COL4A2: variants seen among roughly 807,000 people sequenced by gnomAD.
COL4A2 encodes collagen type IV alpha 2 chain.
COL4A2 carries 99 observed loss-of-function variants against 200.2 expected under a neutral mutation model. The ratio of observed to expected loss-of-function variants is 0.49; its 90% CI spans 0.42 to 0.58. COL4A2 has a LOEUF of 0.58. Among genes scored for constraint, COL4A2 ranks in the 20% least tolerant of loss-of-function variants. The pLI is 0.00. For missense variants in COL4A2, 1,950 were observed against 2,314.1 expected (o/e 0.84, Z 3.23); for synonymous variants, 897 against 900.6 (o/e 1.00, Z 0.07).
intron 4 of COL4A2, among the ~76,000 whole-genome samples, chr13:110,360,484 T>C (rs537566712): frequency 6.6e-5 from 10 of 152,336 alleles, no homozygotes; most frequent in African/African-American, 2.4e-4. Flanking sequence ...GTGAGGTTAT[T>C]AGGAGGGGAT....
chr13:110,352,514 T>C (rs1249217407), intron 3 of COL4A2, among the ~76,000 whole-genome samples: 1 of 152,380 alleles, frequency 6.6e-6, no homozygotes, highest in East Asian at 1.9e-4. Flanking sequence ...CCCAGCACAG[T>C]GCATGGCTCA....
At chr13:110,330,587 G>A (rs527895321) in intron 3 of COL4A2, among the ~76,000 whole-genome samples, 6 of 152,328 alleles carry the variant, frequency 3.9e-5, no homozygotes, top group Admixed American at 2.6e-4. Flanking sequence ...GTTCAAAGCA[G>A]AGTGCATATC....
chr13:110,444,974 C>T (rs540652348), intron 16 of COL4A2, among the ~76,000 whole-genome samples: 303 of 152,298 alleles, frequency 2.0e-3, no homozygotes, highest in Middle Eastern at 3.4e-3. Context: ...CCTCAGCCTC[C>T]CAAGTAGCTG....
chr13:110,349,570 T>G (rs1007343362), intron 3 of COL4A2, among the ~76,000 whole-genome samples: 33 of 152,306 alleles, frequency 2.2e-4, no homozygotes, highest in Middle Eastern at 3.4e-3. Flanking sequence ...AGCTAGTGAC[T>G]CCAAGCAAGA....
chr13:110,456,651 G>A (rs989873877), intron 20 of COL4A2: 43 of 411,040 alleles, frequency 1.0e-4, no homozygotes, highest in Admixed American at 3.2e-5. Flanking sequence ...ATGAAATTGG[G>A]TTTATGGATC....
intron 40 of COL4A2, among the ~76,000 whole-genome samples, chr13:110,501,008 A>T (rs1353766022): frequency 6.6e-6 from 1 of 152,244 alleles, no homozygotes; most frequent in South Asian, 2.1e-4. Flanking sequence ...ACGTGTGTAC[A>T]GTATGAGCTG....
At chr13:110,343,023 A>C (rs1876528454) in intron 3 of COL4A2, among the ~76,000 whole-genome samples, 1 of 152,214 alleles carries the variant, frequency 6.6e-6, no homozygotes, top group Non-Finnish European at 1.5e-5. Flanking sequence ...AAACCTAAAA[A>C]TGTGTGCATG....
In COL4A2 at chr13:110,438,641, A is replaced by G; in HGVS notation, c.885A>G (p.Glu295=). 6.2e-7 allele frequency: 1 copy of G among 1,614,244 alleles called. No homozygotes were observed. The change falls in exon 15 of 48, where the codon GAA becomes GAG. Residue 295 remains glutamate, a synonymous_variant. Transcript: ENST00000360467. The part of the protein sequence containing the change: ...GIRGISLKGE[E]GIMGFPGLRG... ...AGGGCATTTCCTTGAAGGGAGAAGA[A>G]GGAATCATGGGCTTTCCTGGACTGA...
chr13:110,501,145 T>A (rs1883624469), intron 40 of COL4A2, among the ~76,000 whole-genome samples: 1 of 152,044 alleles, frequency 6.6e-6, no homozygotes, highest in Non-Finnish European at 1.5e-5. Flanking sequence ...GTGGACAAAT[T>A]GGGAAACACA....
At chr13:110,461,164 T>C (rs1379445902) in intron 22 of COL4A2, among the ~76,000 whole-genome samples, 1 of 152,258 alleles carries the variant, frequency 6.6e-6, no homozygotes, top group Non-Finnish European at 1.5e-5. Flanking sequence ...AAGTATCTTT[T>C]TCTCTCAACC....
chr13:110,326,934 C>T (rs1885431438), intron 3 of COL4A2, among the ~76,000 whole-genome samples: 1 of 152,226 alleles, frequency 6.6e-6, no homozygotes, highest in Admixed American at 6.5e-5. Context: ...CAAAGATAGA[C>T]AATAAGCTTG....
At chr13:110,359,070 AG>A (rs1053144919) in intron 4 of COL4A2, among the ~76,000 whole-genome samples, 3 of 152,222 alleles carry the variant, frequency 2.0e-5, no homozygotes, top group Admixed American at 6.5e-5. Context: ...TATACAAACT[AG>A]GGAGCACTGG....
intron 21 of COL4A2, chr13:110,458,218 T>C (rs903287775): frequency 2.3e-6 from 1 of 440,094 alleles, no homozygotes; most frequent in Non-Finnish European, 4.7e-6. Flanking sequence ...GGGCATCCTC[T>C]GTGCCCTGGG....
intron 3 of COL4A2, among the ~76,000 whole-genome samples, chr13:110,355,356 G>T (rs576440888): frequency 1.1e-3 from 131 of 123,324 alleles, no homozygotes; most frequent in Non-Finnish European, 9.8e-4. Flanking sequence ...CTGTGTGTGT[G>T]GGGGAGGGCT....
intron 3 of COL4A2, among the ~76,000 whole-genome samples, chr13:110,357,193 G>A (rs774851844): frequency 6.6e-6 from 1 of 152,132 alleles, no homozygotes; most frequent in Non-Finnish European, 1.5e-5. Flanking sequence ...ATACAGGTTG[G>A]TTCCAACCTG....
In COL4A2 at chr13:110,484,963, A is replaced by C. The variant is rs915738007; in HGVS notation, c.2961A>C (p.Lys987Asn). 3.1e-6 allele frequency: 5 copies of C among 1,613,078 alleles called. No homozygotes were observed. Among genetic ancestry groups the C allele is most frequent in the Admixed American group, 1.7e-5 (1 of 59,962 alleles). The change falls in exon 33 of 48, where the codon AAA (lysine) becomes AAC (asparagine). Residue 987 changes from lysine (K) to asparagine (N), a missense_variant. Transcript: ENST00000360467. ...GPPPVILPGM[K>N]DIKGEKGDEG... ...CTCCTGTCATCCTGCCAGGAATGAA[A>C]GACATTAAAGGAGAGAAAGGAGATG...
At chr13:110,354,623 G>A (rs1161838702) in intron 3 of COL4A2, among the ~76,000 whole-genome samples, 7 of 141,132 alleles carry the variant, frequency 5.0e-5, no homozygotes, top group Admixed American at 2.0e-4. Context: ...TCCACTTTTT[G>A]GAGTTTTTTT....
chr13:110,416,202 G>A (rs1880037003), intron 4 of COL4A2, among the ~76,000 whole-genome samples: 3 of 152,258 alleles, frequency 2.0e-5, no homozygotes, highest in Non-Finnish European at 2.9e-5. Flanking sequence ...TTGACACATT[G>A]CATGTCAGCA....
chr13:110,341,444 C>A (rs1876450427), intron 3 of COL4A2, among the ~76,000 whole-genome samples: 1 of 152,210 alleles, frequency 6.6e-6, no homozygotes, highest in Non-Finnish European at 1.5e-5. Flanking sequence ...CTGTTCAGGG[C>A]TGTTGATTTC....
Sources: allele counts gnomAD v4.1 joint callset (sites outside exome capture counted in the v4.1 genomes callset), GRCh38; gene constraint gnomAD v4.1.1; transcripts MANE v1.5; gene names NCBI Gene and HGNC (gene_info 2026-07-23, HGNC 2026-07-21).